ADCK1: variants seen among roughly 807,000 people sequenced by gnomAD.
ADCK1 encodes aarF domain containing kinase 1.
Under a neutral mutation model 52.3 loss-of-function variants are expected in ADCK1, and 41 were observed. The ratio of observed to expected loss-of-function variants is 0.78; its 90% CI spans 0.61 to 1.02. ADCK1 has a LOEUF of 1.02. ADCK1 is among the 50% of genes least tolerant of loss of function. The pLI is 0.00. For missense variants in ADCK1, 658 were observed against 679.5 expected, an observed-to-expected ratio of 0.97 and a Z score of 0.35; for synonymous variants, 250 against 274.6, an observed-to-expected ratio of 0.91 and a Z score of 0.89.
At chr14:77,819,193 C>G in intron 2 of ADCK1, 80 bp downstream of exon 2, 3 of 1,555,148 alleles carry the variant, frequency 1.9e-6, no homozygotes, top group Non-Finnish European at 2.6e-6. Flanking sequence ...GATAGACATG[C>G]CTGCTATGCA....
chr14:77,897,980 C>T (rs2083448149), intron 5 of ADCK1, among the ~76,000 whole-genome samples: 1 of 152,164 alleles, frequency 6.6e-6, no homozygotes, highest in South Asian at 2.1e-4. Flanking sequence ...CCCTCAGAGC[C>T]TCAAATTCCT....
In ADCK1 at chr14:77,924,559, G is replaced by A. The variant is rs140287525; in HGVS notation, c.961G>A (p.Gly321Ser). Reference protein sequence around the residue: ...PGNVLVRKHPGTGKAEIVLLD... With the variant: ...PGNVLVRKHPSTGKAEIVLLD... ...CAATGTACTGGTGCGGAAGCACCCC[G>A]GCACGGGAAAGGCGGAGATTGTCCT... is the stretch of plus-strand genomic sequence containing the variant. The change falls in exon 8 of 11, where the codon GGC (glycine) becomes AGC (serine). Residue 321 changes from glycine (G) to serine (S), a missense_variant. Coordinates refer to ENST00000238561, the MANE Select transcript of ADCK1 (RefSeq NM_020421.4). 4.3e-6 allele frequency: 7 copies of A among 1,613,966 alleles called. No individual in the cohort carries two copies. Among genetic ancestry groups the A allele is most frequent in the Admixed American group, 3.3e-5 (2 of 60,032 alleles).
chr14:77,877,072 G>A (rs1288345160), intron 4 of ADCK1, among the ~76,000 whole-genome samples: 9 of 152,250 alleles, frequency 5.9e-5, no homozygotes, highest in East Asian at 1.9e-4. Flanking sequence ...AAAATTAGCC[G>A]GGTGTGGTGA....
At chr14:77,881,777 G>T (rs573923646) in intron 4 of ADCK1, among the ~76,000 whole-genome samples, 2 of 152,290 alleles carry the variant, frequency 1.3e-5, no homozygotes, top group African/African-American at 4.8e-5. Flanking sequence ...ACGGGTATCA[G>T]CCTCCATACC....
At chr14:77,845,135 C>T (rs1196112406) in intron 3 of ADCK1, among the ~76,000 whole-genome samples, 1 of 152,206 alleles carries the variant, frequency 6.6e-6, no homozygotes, top group East Asian at 1.9e-4. Flanking sequence ...TCCCTTGAGT[C>T]TTGATTCAAA....
chr14:77,916,014 G>A lies in ADCK1; in HGVS notation c.858+8095G>A, dbSNP rs75053445. Reference sequence around the variant, plus strand: ...GCTGAATTCCACCCCTTGGAATTTTGTGGTGTCATGTGGTGCTCGTAGTAC... The same window carrying A: ...GCTGAATTCCACCCCTTGGAATTTTATGGTGTCATGTGGTGCTCGTAGTAC... On this transcript the variant is annotated intron_variant, in intron 7 of 10. Transcript: ENST00000238561. Among the ~76,000 whole-genome samples the A allele has an allele frequency of 6.1e-3, 925 of 152,314 alleles. 13 individuals carry two copies. Among genetic ancestry groups the A allele is most frequent in the African/African-American group, 0.021 (880 of 41,566 alleles).
intron 1 of ADCK1, among the ~76,000 whole-genome samples, chr14:77,812,109 C>G (rs2081348967): frequency 6.6e-6 from 1 of 152,188 alleles, no homozygotes; most frequent in Admixed American, 6.5e-5. Flanking sequence ...TCCATCACCT[C>G]AGATAGTTAC....
intron 6 of ADCK1, among the ~76,000 whole-genome samples, chr14:77,901,922 TA>T (rs2083556569): frequency 2.0e-5 from 3 of 152,112 alleles, no homozygotes; most frequent in Admixed American, 2.0e-4. Flanking sequence ...CCCTCTTCTT[TA>T]CCAGGCCTGG....
intron 5 of ADCK1, among the ~76,000 whole-genome samples, chr14:77,888,052 C>A (rs942268331): frequency 2.0e-5 from 3 of 152,126 alleles, no homozygotes; most frequent in Admixed American, 2.0e-4. Flanking sequence ...TGAGTGAGCC[C>A]CATCTTCATC....
At chr14:77,837,698 G>T (rs2081990431) in intron 3 of ADCK1, among the ~76,000 whole-genome samples, 1 of 152,230 alleles carries the variant, frequency 6.6e-6, no homozygotes, top group Admixed American at 6.5e-5. Flanking sequence ...GGGGTTCTGT[G>T]TTGTATCAGG....
intron 5 of ADCK1, among the ~76,000 whole-genome samples, chr14:77,888,044 A>G (rs1266670779): frequency 6.6e-6 from 1 of 152,164 alleles, no homozygotes; most frequent in Non-Finnish European, 1.5e-5. Flanking sequence ...CATGAGAGTG[A>G]GTGAGCCCCA....
intron 7 of ADCK1, among the ~76,000 whole-genome samples, chr14:77,917,680 A>G (rs2083956503): frequency 6.6e-6 from 1 of 152,084 alleles, no homozygotes. Flanking sequence ...TGAAAGGCAC[A>G]TTTTTTTTAT....
At chr14:77,855,754 T>C (rs2082404675) in intron 3 of ADCK1, among the ~76,000 whole-genome samples, 1 of 152,162 alleles carries the variant, frequency 6.6e-6, no homozygotes, top group Non-Finnish European at 1.5e-5. Flanking sequence ...TGCTGGATTC[T>C]CTCTAATCAA....
At chr14:77,838,614 T>A (rs1185966778) in intron 3 of ADCK1, among the ~76,000 whole-genome samples, 3 of 152,166 alleles carry the variant, frequency 2.0e-5, no homozygotes, top group Admixed American at 2.0e-4. Context: ...CCTAGGCTGG[T>A]CTCGAACTCC....
At chr14:77,898,430 A>G (rs2083457053) in intron 5 of ADCK1, among the ~76,000 whole-genome samples, 1 of 152,224 alleles carries the variant, frequency 6.6e-6, no homozygotes, top group South Asian at 2.1e-4. Context: ...AAAATGTGGT[A>G]GATATACACC....
At chr14:77,881,227 C>T (rs769686307) in intron 4 of ADCK1, among the ~76,000 whole-genome samples, 10 of 152,224 alleles carry the variant, frequency 6.6e-5, no homozygotes, top group South Asian at 2.1e-4. Context: ...TGGCAGGGGC[C>T]GGAGGATTGT....
At chr14:77,926,453 C>G (rs2084195909) in intron 9 of ADCK1, among the ~76,000 whole-genome samples, 1 of 152,174 alleles carries the variant, frequency 6.6e-6, no homozygotes, top group Admixed American at 6.5e-5. Context: ...AGCAGGGGTG[C>G]TCATCTCATT....
At chr14:77,814,515 C>T (rs373371941) in intron 1 of ADCK1, among the ~76,000 whole-genome samples, 17 of 151,224 alleles carry the variant, frequency 1.1e-4, no homozygotes, top group Non-Finnish European at 1.6e-4. Flanking sequence ...GTGGGTGGAT[C>T]GCTTGAGCTC....
At chr14:77,866,972 C>T (rs1224522377) in intron 4 of ADCK1, among the ~76,000 whole-genome samples, 1 of 152,158 alleles carries the variant, frequency 6.6e-6, no homozygotes, top group Non-Finnish European at 1.5e-5. Context: ...TGCTTCTTTC[C>T]AGCACTGATC....
Sources: allele counts gnomAD v4.1 joint callset (sites outside exome capture counted in the v4.1 genomes callset), GRCh38; gene constraint gnomAD v4.1.1; transcripts MANE v1.5; gene names NCBI Gene and HGNC (gene_info 2026-07-23, HGNC 2026-07-21).